Variants in CNTFR observed in about 807,000 individuals in gnomAD.
CNTFR encodes ciliary neurotrophic factor receptor subunit alpha.
In CNTFR, 12 loss-of-function variants were observed where a neutral mutation model predicts 40.4. The ratio of observed to expected loss-of-function variants is 0.30; its 90% CI spans 0.19 to 0.48. The LOEUF (loss-of-function observed/expected upper bound fraction) is 0.48, where lower values mean the gene tolerates loss of function less well. Ranked by LOEUF, CNTFR falls within the 20% of genes least tolerant of loss-of-function variation. The pLI is 0.99. For synonymous variants in CNTFR, 202 were observed against 209.6 expected, an observed-to-expected ratio of 0.96 and a Z score of 0.31; for missense variants, 414 against 506.8, an observed-to-expected ratio of 0.82 and a Z score of 1.76.
chr9:34,581,884 C>T (rs1827305471), intron 1 of CNTFR, among the ~76,000 whole-genome samples: 1 of 152,166 alleles, frequency 6.6e-6, no homozygotes, highest in African/African-American at 2.4e-5. Context: ...ATGTCTTTCC[C>T]AAGAATAATA....
Position 34,552,769 on chromosome 9 carries a change from T to C in CNTFR, c.854A>G (p.Asn285Ser). 1.2e-6 allele frequency: 2 copies of C among 1,613,876 alleles called. No homozygotes were observed. The highest frequency in any genetic ancestry group is 1.7e-6 in the Non-Finnish European group (2 of 1,179,918). Residue 285 changes from asparagine (N) to serine (S), a missense_variant, in exon 8 of 10, where the codon AAT becomes AGT. Coordinates refer to ENST00000378980, the MANE Select transcript of CNTFR (RefSeq NM_147164.3). The surrounding 1 kb of genome is among the most constrained non-coding windows in gnomAD (Gnocchi z 5.1). ...CCAGTCACTCCATGTCCCAATCTCA[T>C]TGTCCTTGGCTGCCACCTGGATAAT... ...EYIIQVAAKDNEIGTWSDWSV... is the reference protein window; with the variant it reads ...EYIIQVAAKDSEIGTWSDWSV...
intron 7 of CNTFR, among the ~76,000 whole-genome samples, chr9:34,553,954 C>T (rs1050232316): frequency 6.6e-6 from 1 of 152,038 alleles, no homozygotes; most frequent in South Asian, 2.1e-4. Context: ...TCTGACCTGA[C>T]AGGCTGTGAG....
chr9:34,553,765 T>G (rs1225463791), intron 7 of CNTFR, among the ~76,000 whole-genome samples: 1 of 152,200 alleles, frequency 6.6e-6, no homozygotes, highest in East Asian at 1.9e-4. Flanking sequence ...CCGGCGCCCC[T>G]TCCAGGCCCA....
intron 4 of CNTFR, among the ~76,000 whole-genome samples, chr9:34,563,582 T>A (rs913548475): frequency 2.6e-5 from 4 of 152,254 alleles, no homozygotes; most frequent in Non-Finnish European, 4.4e-5. Flanking sequence ...GCATAAGAAT[T>A]CTCATCTTGG....
At chr9:34,583,583 C>T (rs79671816) in intron 1 of CNTFR, among the ~76,000 whole-genome samples, 4,806 of 151,842 alleles carry the variant, frequency 0.032, 177 homozygotes, top group East Asian at 0.083. Flanking sequence ...TTCCTGAGCA[C>T]CCCCCAACCC....
At chr9:34,578,058 T>TG (rs1827080507) in intron 2 of CNTFR, among the ~76,000 whole-genome samples, 1 of 151,020 alleles carries the variant, frequency 6.6e-6, no homozygotes, top group South Asian at 2.1e-4. Flanking sequence ...CGGCGCTCCG[T>TG]GGGTCCGCCT....
Position 34,556,232 on chromosome 9 carries a change from T to C in CNTFR, c.768+23A>G, listed in dbSNP as rs201453287. 1.4e-5 allele frequency: 23 copies of C among 1,597,568 alleles called. No individual in the cohort carries two copies. In the African/African-American group the frequency reaches 3.1e-4, roughly 21 times the overall value. ...ATGATTCTAACTCAGGCACCCAGGA[T>C]CTTGGCCGGGCAGGGCACTCACATG... On this transcript the variant is annotated intron_variant, in intron 7 of 9. Coordinates refer to ENST00000378980, the MANE Select transcript of CNTFR (RefSeq NM_147164.3).
intron 2 of CNTFR, among the ~76,000 whole-genome samples, chr9:34,570,613 C>T (rs1405075620): frequency 6.6e-6 from 1 of 152,168 alleles, no homozygotes; most frequent in African/African-American, 2.4e-5. Context: ...GAAGTATCCA[C>T]ACCACTCCAA....
intron 7 of CNTFR, among the ~76,000 whole-genome samples, chr9:34,555,109 G>T (rs958072405): frequency 6.6e-6 from 1 of 152,250 alleles, no homozygotes; most frequent in Admixed American, 6.5e-5. Context: ...TGTGCGCCGC[G>T]ACGCGCGGGG....
intron 7 of CNTFR, among the ~76,000 whole-genome samples, chr9:34,554,080 C>A (rs941632825): frequency 3.9e-5 from 6 of 152,252 alleles, no homozygotes; most frequent in African/African-American, 1.4e-4. Context: ...AGGTCAGGGT[C>A]ATGGTGAGAC....
chr9:34,570,165 G>A, intron 2 of CNTFR: 1 of 152,438 alleles, frequency 6.6e-6, no homozygotes, highest in African/African-American at 2.4e-5. Context: ...CAGCCACACA[G>A]CAAAGATGCT....
Position 34,589,309 on chromosome 9 carries a change from G to C in CNTFR, c.-112+246C>G, listed in dbSNP as rs1166281045. Among the ~76,000 whole-genome samples the C allele has an allele frequency of 6.6e-6, 1 of 152,068 alleles. No individual in the cohort carries two copies. The highest frequency in any genetic ancestry group is 1.9e-4 in the East Asian group (1 of 5,156). ...AAACCGCCGGAGCCACCTCCCTCTA[G>C]TCCACAGTCGGCCCCACCACCACCA... On this transcript the variant is annotated intron_variant, in intron 1 of 9. Transcript: ENST00000378980. The surrounding 1 kb of genome is among the most constrained non-coding windows in gnomAD (Gnocchi z 4.4).
Position 34,568,936 on chromosome 9 carries a change from C to T in CNTFR, c.46G>A (p.Ala16Thr), listed in dbSNP as rs745332685. The change falls in exon 3 of 10, where the codon GCC becomes ACC. Residue 16 changes from alanine (A) to threonine (T), a missense_variant. Ala to Thr is a moderately conservative substitution (Grantham distance 58). Coordinates refer to ENST00000378980, the MANE Select transcript of CNTFR (RefSeq NM_147164.3). ...PWACCAVLAA[A>T]AAVVYAQRHS... is the part of the protein sequence containing the mutation. The stretch of plus-strand genomic sequence containing the variant: ...CTCTGGGCGTAGACAACTGCGGCGG[C>T]GGCGGCAAGCACAGCACAGCAGGCC... The T allele has an allele frequency of 1.9e-5, 30 of 1,600,870 alleles. No individual in the cohort carries two copies. The highest frequency in any genetic ancestry group is 1.1e-4 in the South Asian group (10 of 88,708).
chr9:34,553,692 C>A (rs1371454860), intron 7 of CNTFR, among the ~76,000 whole-genome samples: 3 of 152,184 alleles, frequency 2.0e-5, no homozygotes, highest in Non-Finnish European at 4.4e-5. Context: ...ATCGCCACCC[C>A]ACTCTCGCCC....
intron 3 of CNTFR, among the ~76,000 whole-genome samples, chr9:34,568,649 T>G (rs1826422195): frequency 6.6e-6 from 1 of 152,118 alleles, no homozygotes; most frequent in Admixed American, 6.5e-5. Context: ...CACCTGCCTG[T>G]ACCCTATGCC....
intron 2 of CNTFR, among the ~76,000 whole-genome samples, chr9:34,570,884 G>A (rs1333408953): frequency 6.6e-6 from 1 of 152,162 alleles, no homozygotes; most frequent in Non-Finnish European, 1.5e-5. Flanking sequence ...GTGGGAGAGG[G>A]CTCCTGCCTG....
intron 4 of CNTFR, among the ~76,000 whole-genome samples, chr9:34,560,466 T>TA (rs1263727964): frequency 1.3e-5 from 2 of 152,210 alleles, no homozygotes; most frequent in Non-Finnish European, 2.9e-5. Flanking sequence ...GGTACTCTGT[T>TA]AGAGTGCCTG....
At chr9:34,561,019 C>T (rs1826051679) in intron 4 of CNTFR, among the ~76,000 whole-genome samples, 1 of 152,182 alleles carries the variant, frequency 6.6e-6, no homozygotes, top group South Asian at 2.1e-4. Context: ...TAGGCCAGGC[C>T]AGATCAGGCA....
intron 2 of CNTFR, among the ~76,000 whole-genome samples, chr9:34,573,276 A>G (rs533556989): frequency 6.6e-6 from 1 of 152,304 alleles, no homozygotes; most frequent in African/African-American, 2.4e-5. Context: ...TAGAAGGCCA[A>G]CCCTGGGGAA....
Sources: gnomAD v4.1 joint callset for allele counts (sites outside exome capture counted in the v4.1 genomes callset) on GRCh38, gnomAD v4.1.1 for gene constraint, Gnocchi (gnomAD v3.1) non-coding constraint, MANE v1.5 for transcripts, NCBI Gene and HGNC (gene_info 2026-07-23, HGNC 2026-07-21) for gene names.